Variants in KCNQ3 observed in about 807,000 individuals in gnomAD.
KCNQ3 encodes the protein potassium voltage-gated channel subfamily Q member 3, also known as potassium voltage-gated channel subfamily KQT member 3.
Under a neutral mutation model 92.5 loss-of-function variants are expected in KCNQ3, and 30 were observed. The observed-to-expected ratio is 0.32, with a 90% CI of 0.24 to 0.44. KCNQ3 has a LOEUF of 0.44. Among genes scored for constraint, KCNQ3 ranks in the 20% least tolerant of loss-of-function variants. The pLI is 1.00. For missense variants in KCNQ3, 913 were observed against 1,140.3 expected (o/e 0.80, Z 2.87); for synonymous variants, 450 against 468.8 (o/e 0.96, Z 0.52).
chr8:132,284,203 T>G (rs1462509159), intron 1 of KCNQ3, among the ~76,000 whole-genome samples: 1 of 152,154 alleles, frequency 6.6e-6, no homozygotes. Flanking sequence ...TAATAGGGCT[T>G]GAGAGTGTCT....
At chr8:132,227,282 G>A (rs754929667) in intron 1 of KCNQ3, among the ~76,000 whole-genome samples, 6 of 151,862 alleles carry the variant, frequency 4.0e-5, no homozygotes, top group Middle Eastern at 3.2e-3. Flanking sequence ...GGATGGTCTC[G>A]ATCTCCTGAT....
intron 1 of KCNQ3, among the ~76,000 whole-genome samples, chr8:132,477,382 A>G (rs1260650679): frequency 1.3e-5 from 2 of 150,504 alleles, no homozygotes; most frequent in African/African-American, 4.9e-5. Flanking sequence ...ACTAGATTGT[A>G]GGCCTATGGT....
At chr8:132,384,514 A>G (rs72721042) in intron 1 of KCNQ3, among the ~76,000 whole-genome samples, 22,164 of 152,166 alleles carry the variant, frequency 0.15, 1,815 homozygotes, top group African/African-American at 0.21. Context: ...GGTACAGTGC[A>G]TTAAATCTCA....
chr8:132,422,820 T>C (rs6982741), intron 1 of KCNQ3, among the ~76,000 whole-genome samples: 2,708 of 152,244 alleles, frequency 0.018, 78 homozygotes, highest in African/African-American at 0.061. Flanking sequence ...ATCCGTAAGC[T>C]TAGGCCTGAA....
intron 1 of KCNQ3, among the ~76,000 whole-genome samples, chr8:132,221,492 T>C (rs183216667): frequency 0.016 from 2,436 of 152,336 alleles, 67 homozygotes; most frequent in African/African-American, 0.056. Flanking sequence ...TTCCTGACTT[T>C]TTAATGATCA....
Position 132,129,447 on chromosome 8 carries a change from C to T in KCNQ3, c.2434G>A (p.Asp812Asn), listed in dbSNP as rs1193165605. The change falls in exon 15 of 15, where the codon GAC becomes AAC. Residue 812 changes from aspartate to asparagine, a missense_variant. By Grantham distance (23) the Asp-to-Asn change is conservative. Coordinates refer to ENST00000388996, the MANE Select transcript of KCNQ3 (RefSeq NM_004519.4). This position sits in a 1 kb window ranked among gnomAD's most constrained non-coding sequence, Gnocchi z 5.9. ...GGGCCGAACACATAATCATCTCTGT[C>T]CTGGGAGATGCTGAAGCCACTTGGA... ...RSPSGFSISQ[D>N]RDDYVFGPNG... 1.2e-6 allele frequency: 2 copies of T among 1,614,076 alleles called. No homozygotes were observed. The highest frequency in any genetic ancestry group is 1.7e-6 in the Non-Finnish European group (2 of 1,180,042).
At chr8:132,406,568 C>G (rs1820486895) in intron 1 of KCNQ3, among the ~76,000 whole-genome samples, 1 of 152,028 alleles carries the variant, frequency 6.6e-6, no homozygotes, top group South Asian at 2.1e-4. Flanking sequence ...CACACAGACA[C>G]ACACACACAG....
chr8:132,392,092 C>T (rs907105701), intron 1 of KCNQ3, among the ~76,000 whole-genome samples: 6 of 152,108 alleles, frequency 3.9e-5, no homozygotes, highest in Non-Finnish European at 7.4e-5. Flanking sequence ...CCTTTTAATG[C>T]CTACAGCATC....
intron 1 of KCNQ3, among the ~76,000 whole-genome samples, chr8:132,253,471 G>T (rs530393851): frequency 6.6e-6 from 1 of 152,148 alleles, no homozygotes; most frequent in Non-Finnish European, 1.5e-5. Flanking sequence ...AAACCAAGGC[G>T]CAGAGGAGAC....
At chr8:132,182,341 A>C (rs1460413273) in intron 3 of KCNQ3, among the ~76,000 whole-genome samples, 1 of 152,230 alleles carries the variant, frequency 6.6e-6, no homozygotes, top group African/African-American at 2.4e-5. Flanking sequence ...GCAGGGTCCG[A>C]GGCTGCCTTG....
rs79328905 is a variant in KCNQ3, at chr8:132,338,543, A to T, written c.386+141604T>A. ...ACACATATGTGCTGTTCATTTCAAT[A>T]TCATCACTGTTGTTTTGATCATGGC... On this transcript the variant is annotated intron_variant, in intron 1 of 14. Coordinates refer to ENST00000388996, the MANE Select transcript of KCNQ3 (RefSeq NM_004519.4). Among the ~76,000 whole-genome samples, 270 of 152,288 alleles carry T rather than the reference A, an allele frequency of 1.8e-3. 6 individuals carry two copies. In the East Asian group the frequency reaches 0.044, roughly 25 times the overall value.
chr8:132,276,580 A>C lies in KCNQ3; in HGVS notation c.387-90399T>G, dbSNP rs563335250. On this transcript the variant is annotated intron_variant, in intron 1 of 14. Coordinates refer to ENST00000388996, the MANE Select transcript of KCNQ3 (RefSeq NM_004519.4). ...CAGGCAGCGATGGGTATTTAAAACT[A>C]CTTCCTCATGTTGACTCACAATGTG... 5.9e-4 allele frequency among the ~76,000 whole-genome samples: 90 copies of C among 152,200 alleles called. 3 individuals are homozygous for C. The South Asian group carries it at 0.018, about 31-fold the overall frequency.
intron 1 of KCNQ3, among the ~76,000 whole-genome samples, chr8:132,265,654 G>A (rs1208450430): frequency 1.3e-5 from 2 of 152,170 alleles, no homozygotes; most frequent in Non-Finnish European, 1.5e-5. Flanking sequence ...GCAGATTTTA[G>A]CAGTGAAACA....
intron 1 of KCNQ3, among the ~76,000 whole-genome samples, chr8:132,382,012 C>A (rs1819764703): frequency 6.6e-6 from 1 of 152,240 alleles, no homozygotes; most frequent in African/African-American, 2.4e-5. Context: ...ACTGAACTAA[C>A]CAGGCAGAGA....
At position 132,455,427 on chromosome 8, in the gene KCNQ3, G is replaced by A. The variant is rs1006464438; in HGVS notation, c.386+24720C>T. Among the ~76,000 whole-genome samples, 6 of 152,248 alleles carry A rather than the reference G, an allele frequency of 3.9e-5. No homozygotes were observed. In the East Asian group the frequency reaches 9.7e-4, roughly 25 times the overall value. On this transcript the variant is annotated intron_variant, in intron 1 of 14. Coordinates refer to ENST00000388996, the MANE Select transcript of KCNQ3 (RefSeq NM_004519.4). Reference sequence around the variant, plus strand: ...TGGCCATTAAAATGGTAAAGTTTATGTTATACATATATTTTACTACAATTA... The same window carrying A: ...TGGCCATTAAAATGGTAAAGTTTATATTATACATATATTTTACTACAATTA...
At chr8:132,158,389 G>A (rs1463047418) in intron 9 of KCNQ3, among the ~76,000 whole-genome samples, 1 of 152,190 alleles carries the variant, frequency 6.6e-6, no homozygotes, top group Non-Finnish European at 1.5e-5. Context: ...GGCAAAGCGT[G>A]AATTATAGTG....
At chr8:132,326,208 G>A (rs1056572124) in intron 1 of KCNQ3, among the ~76,000 whole-genome samples, 8 of 152,188 alleles carry the variant, frequency 5.3e-5, no homozygotes, top group South Asian at 2.1e-4. Context: ...AGAAGGTGGC[G>A]TGACATACAA....
chr8:132,352,687 T>C (rs1818909526), intron 1 of KCNQ3, among the ~76,000 whole-genome samples: 1 of 152,214 alleles, frequency 6.6e-6, no homozygotes, highest in Non-Finnish European at 1.5e-5. Flanking sequence ...ATTTTATTTT[T>C]CATTTTTTAT....
At chr8:132,170,226 T>C (rs148171720) in intron 8 of KCNQ3, 108 bp downstream of exon 8, 7 of 815,270 alleles carry the variant, frequency 8.6e-6, no homozygotes, top group Middle Eastern at 3.1e-4. Flanking sequence ...TTGGGGAACA[T>C]TGCCCTGAAG....
Sources: gnomAD v4.1 joint callset for allele counts (sites outside exome capture counted in the v4.1 genomes callset) on GRCh38, gnomAD v4.1.1 for gene constraint, Gnocchi (gnomAD v3.1) non-coding constraint, MANE v1.5 for transcripts, NCBI Gene and HGNC (gene_info 2026-07-23, HGNC 2026-07-21) for gene names.